RBMS1: variants seen among roughly 807,000 people sequenced by gnomAD.
RBMS1 encodes RNA binding motif single stranded interacting protein 1.
RBMS1 carries 17 observed loss-of-function variants against 62.3 expected under a neutral mutation model. That is an observed-to-expected ratio of 0.27 (90% CI 0.19 to 0.41). The LOEUF is 0.41. Ranked by LOEUF, RBMS1 falls within the 10% of genes least tolerant of loss-of-function variation. The pLI, the probability that RBMS1 is intolerant of heterozygous loss-of-function variation, is 1.00. For missense variants in RBMS1, 334 were observed against 504.5 expected (o/e 0.66, Z 3.24); for synonymous variants, 172 against 170.0 (o/e 1.01, Z -0.09).
At chr2:160,389,203 A>C (rs1300711380) in intron 1 of RBMS1, among the ~76,000 whole-genome samples, 50 of 152,214 alleles carry the variant, frequency 3.3e-4, no homozygotes, top group Non-Finnish European at 2.9e-5. Context: ...GAAAAATTTG[A>C]TATGAGCAAA....
chr2:160,343,565 G>A (rs1222970683), intron 2 of RBMS1, among the ~76,000 whole-genome samples: 1 of 152,106 alleles, frequency 6.6e-6, no homozygotes, highest in African/African-American at 2.4e-5. Flanking sequence ...TTATTAATGT[G>A]CATTATTGCC....
At chr2:160,442,290 G>A (rs763045897) in intron 1 of RBMS1, among the ~76,000 whole-genome samples, 7 of 151,990 alleles carry the variant, frequency 4.6e-5, no homozygotes, top group African/African-American at 1.4e-4. Flanking sequence ...GTTTATATTC[G>A]GGTTTATAAC....
At chr2:160,330,858 G>C (rs1175962424) in intron 2 of RBMS1, among the ~76,000 whole-genome samples, 1 of 152,074 alleles carries the variant, frequency 6.6e-6, no homozygotes, top group Non-Finnish European at 1.5e-5. Context: ...TTAGAAACAG[G>C]GTCTTTGAAG....
intron 2 of RBMS1, among the ~76,000 whole-genome samples, chr2:160,340,174 A>G (rs1691796971): frequency 6.6e-6 from 1 of 152,172 alleles, no homozygotes; most frequent in Non-Finnish European, 1.5e-5. Context: ...AAAATATTAA[A>G]ACATACTATT....
At position 160,478,503 on chromosome 2, in the gene RBMS1, C is replaced by T. The variant is rs181384814; in HGVS notation, c.75+14786G>A. ...TAATATCTAATTAATCTTTAGTATG[C>T]CATGGTTCCTGATAGCTTTAGTTTA... On this transcript the variant is annotated intron_variant, in intron 1 of 13. Coordinates refer to ENST00000348849, the MANE Select transcript of RBMS1 (RefSeq NM_016836.4). Among the ~76,000 whole-genome samples, 22 of 152,218 alleles carry T rather than the reference C, an allele frequency of 1.4e-4. No individual in the cohort carries two copies. In the East Asian group the frequency reaches 3.1e-3, roughly 21 times the overall value.
chr2:160,372,368 C>T (rs1244880196), intron 1 of RBMS1, among the ~76,000 whole-genome samples: 1 of 152,200 alleles, frequency 6.6e-6, no homozygotes, highest in Non-Finnish European at 1.5e-5. Flanking sequence ...CGACCACCAC[C>T]ACCACCATCC....
chr2:160,361,181 T>C (rs1693108255), intron 2 of RBMS1, among the ~76,000 whole-genome samples: 1 of 152,216 alleles, frequency 6.6e-6, no homozygotes, highest in African/African-American at 2.4e-5. Flanking sequence ...ATCAAGTCAC[T>C]GGTTTTTCCA....
chr2:160,449,620 G>C (rs1021307361), intron 1 of RBMS1, among the ~76,000 whole-genome samples: 2 of 152,166 alleles, frequency 1.3e-5, no homozygotes, highest in African/African-American at 4.8e-5. Flanking sequence ...ACAGATGCTT[G>C]AAGGCAGCAT....
intron 1 of RBMS1, among the ~76,000 whole-genome samples, chr2:160,429,588 C>T (rs975670605): frequency 1.3e-5 from 2 of 152,088 alleles, no homozygotes; most frequent in African/African-American, 4.8e-5. Flanking sequence ...TATATCTTTT[C>T]CTTCAGTTAG....
chr2:160,381,694 CTATGAGGCTTTTAGAGAA>C (rs1694293660), intron 1 of RBMS1, among the ~76,000 whole-genome samples: 2 of 152,180 alleles, frequency 1.3e-5, no homozygotes, highest in Non-Finnish European at 2.9e-5. Context: ...GAGAACTACT[CTATGAGGCTTTTAGAGAA>C]ACTGACCTTT....
intron 10 of RBMS1, chr2:160,279,539 C>A (rs1405251384): frequency 6.6e-6 from 1 of 152,134 alleles, no homozygotes; most frequent in Admixed American, 6.5e-5. Flanking sequence ...TAACCATTTA[C>A]CTAGCTTGTT....
chr2:160,466,704 G>A (rs1684708820), intron 1 of RBMS1, among the ~76,000 whole-genome samples: 1 of 152,154 alleles, frequency 6.6e-6, no homozygotes, highest in Non-Finnish European at 1.5e-5. Flanking sequence ...CTTTATTGTG[G>A]ATAAGTAACT....
intron 1 of RBMS1, among the ~76,000 whole-genome samples, chr2:160,440,439 G>A (rs555202586): frequency 6.6e-6 from 1 of 152,000 alleles, no homozygotes; most frequent in Non-Finnish European, 1.5e-5. Context: ...TTCATCCATC[G>A]TTTGACTCCC....
At chr2:160,459,287 T>C (rs1684370422) in intron 1 of RBMS1, among the ~76,000 whole-genome samples, 1 of 152,226 alleles carries the variant, frequency 6.6e-6, no homozygotes, top group South Asian at 2.1e-4. Context: ...GTACGTGACA[T>C]TTAATTTCAT....
At chr2:160,337,187 G>A (rs1186462591) in intron 2 of RBMS1, among the ~76,000 whole-genome samples, 3 of 147,430 alleles carry the variant, frequency 2.0e-5, no homozygotes, top group African/African-American at 7.5e-5. Context: ...AGGCTGGAGT[G>A]CAATGGCATG....
At chr2:160,492,366 G>T (rs1352907742) in intron 1 of RBMS1, among the ~76,000 whole-genome samples, 1 of 152,012 alleles carries the variant, frequency 6.6e-6, no homozygotes, top group African/African-American at 2.4e-5. Flanking sequence ...GTAAAAATAA[G>T]ATAGGCCCAC....
At chr2:160,433,773 C>G (rs1206517103) in intron 1 of RBMS1, among the ~76,000 whole-genome samples, 1 of 152,158 alleles carries the variant, frequency 6.6e-6, no homozygotes, top group Non-Finnish European at 1.5e-5. Context: ...TATCTTAAAG[C>G]CTTTTGGCAA....
At chr2:160,304,122 A>G (rs1470865412) in intron 4 of RBMS1, among the ~76,000 whole-genome samples, 1 of 152,116 alleles carries the variant, frequency 6.6e-6, no homozygotes, top group African/African-American at 2.4e-5. Context: ...TGGGAAAGGA[A>G]ATACTTTGTT....
chr2:160,398,809 C>G (rs1695284162), intron 1 of RBMS1, among the ~76,000 whole-genome samples: 1 of 152,146 alleles, frequency 6.6e-6, no homozygotes, highest in South Asian at 2.1e-4. Flanking sequence ...CGACTAGAAG[C>G]CTACGATGGT....
Sources: allele counts gnomAD v4.1 joint callset (sites outside exome capture counted in the v4.1 genomes callset), GRCh38; gene constraint gnomAD v4.1.1; transcripts MANE v1.5; gene names NCBI Gene and HGNC (gene_info 2026-07-23, HGNC 2026-07-21).